COL4A1: variants seen among roughly 807,000 people sequenced by gnomAD.
The protein encoded by COL4A1 is collagen alpha-1(IV) chain.
COL4A1 carries 40 observed loss-of-function variants against 216.6 expected under a neutral mutation model. The ratio of observed to expected loss-of-function variants is 0.18; its 90% CI spans 0.14 to 0.24. The LOEUF (loss-of-function observed/expected upper bound fraction) is 0.24. Among genes scored for constraint, COL4A1 ranks in the 10% least tolerant of loss-of-function variants. COL4A1 has a pLI of 1.00. For missense variants in COL4A1, 1,628 were observed against 2,196.8 expected, an observed-to-expected ratio of 0.74 and a Z score of 5.18; for synonymous variants, 839 against 810.7, an observed-to-expected ratio of 1.03 and a Z score of -0.59.
chr13:110,155,191 G>A (rs1594529965), intron 50 of COL4A1, 92 bp downstream of exon 50: 1 of 895,274 alleles, frequency 1.1e-6, no homozygotes, highest in Non-Finnish European at 1.9e-6. Flanking sequence ...GAGATGCAGA[G>A]AACTCCAAGG....
In COL4A1 at chr13:110,150,399, G is replaced by A. The variant is rs777915061; in HGVS notation, c.4974C>T (p.His1658=). ...TCATACAGACTTGGCAGCGGCTGAC[G>A]TGCGTGCGCAGCTCCCCTGCCTTCA... The part of the protein sequence containing the change: ...STLKAGELRT[H]VSRCQVCMRR... Residue 1658 remains histidine (H), a synonymous_variant, in exon 52 of 52, where the codon CAC becomes CAT. Coordinates refer to ENST00000375820, the MANE Select transcript of COL4A1 (RefSeq NM_001845.6). 1.3e-5 allele frequency: 21 copies of A among 1,613,886 alleles called. No homozygotes were observed. Among genetic ancestry groups the A allele is most frequent in the Non-Finnish European group, 1.5e-5 (18 of 1,180,006 alleles).
chr13:110,192,179 C>A, intron 24 of COL4A1, 35 bp downstream of exon 24: 1 of 1,609,760 alleles, frequency 6.2e-7, no homozygotes. Context: ...GTGGCAACTT[C>A]TGATATGTAC....
At chr13:110,182,880 G>C in intron 28 of COL4A1, 113 bp downstream of exon 28, 1 of 984,344 alleles carries the variant, frequency 1.0e-6, no homozygotes, top group Admixed American at 2.2e-5. Flanking sequence ...TCTTCTGAAA[G>C]CCTCCCTGAA....
At chr13:110,269,893 C>T (rs1052430294) in intron 1 of COL4A1, among the ~76,000 whole-genome samples, 42 of 152,042 alleles carry the variant, frequency 2.8e-4, no homozygotes, top group Non-Finnish European at 8.8e-5. Context: ...GCCTCACATA[C>T]AGGGTGAAAT....
intron 29 of COL4A1, among the ~76,000 whole-genome samples, chr13:110,180,253 A>G (rs538137887): frequency 1.4e-4 from 22 of 152,252 alleles, no homozygotes; most frequent in South Asian, 6.2e-4. Context: ...TGAGTCTTGC[A>G]CTAAGTTTAA....
chr13:110,173,985 A>G lies in COL4A1; in HGVS notation c.3420T>C (p.Thr1140=). 1 of 1,614,112 alleles carries G rather than the reference A, an allele frequency of 6.2e-7. No homozygotes were observed. The highest frequency in any genetic ancestry group is 8.5e-7 in the Non-Finnish European group (1 of 1,180,024). The change falls in exon 40 of 52, where the codon ACT becomes ACC. Residue 1140 remains threonine, a synonymous_variant. Transcript: ENST00000375820. Reference sequence around the variant, plus strand: ...GGCCAGCTGGGCCTGTGGGGCCAGGAGTCCCAGGAAGACCTCAAAGAGAAA... The same window carrying G: ...GGCCAGCTGGGCCTGTGGGGCCAGGGGTCCCAGGAAGACCTCAAAGAGAAA... ...GVKGEAGLPG[T]PGPTGPAGQK...
chr13:110,209,431 G>GGA lies in COL4A1; in HGVS notation c.616-6_616-5dup. On this transcript the variant is annotated splice_region_variant and splice_polypyrimidine_tract_variant and intron_variant, in intron 10 of 51. Coordinates refer to ENST00000375820, the MANE Select transcript of COL4A1 (RefSeq NM_001845.6). ...GGCCGGGAGGGCCTGGGGGACCCTG[G>GGA]GAGAGACAGCATTTTAATTAAATAG... 1 of 1,599,410 alleles carries GGA rather than the reference G, an allele frequency of 6.3e-7. No individual in the cohort carries two copies. Among genetic ancestry groups the GGA allele is most frequent in the Non-Finnish European group, 8.5e-7 (1 of 1,173,070 alleles).
chr13:110,150,082 T>A lies in COL4A1; in HGVS notation c.*281A>T. ...TTTGGTTTTCTGATGGAGTTCTCAC[T>A]TCACACATCAGTGCATTGGATTGCA... On this transcript the variant is annotated 3_prime_UTR_variant, in exon 52 of 52. Transcript: ENST00000375820. The A allele has an allele frequency of 2.2e-6, 1 of 455,190 alleles. No homozygotes were observed. Among genetic ancestry groups the A allele is most frequent in the South Asian group, 2.1e-5 (1 of 48,156 alleles). 28.2% of individuals were successfully genotyped at this position (455,190 alleles called of 1,614,324 possible). A position where few individuals can be genotyped will look rare whatever the true frequency, so the allele number is the denominator to read the frequency against.
intron 1 of COL4A1, among the ~76,000 whole-genome samples, chr13:110,261,744 C>T (rs1026244481): frequency 5.9e-5 from 9 of 152,308 alleles, no homozygotes; most frequent in Admixed American, 1.3e-4. Context: ...AGGGAAGCCG[C>T]GCAGGGGCAG....
chr13:110,159,221 G>C (rs1347822872), intron 49 of COL4A1, among the ~76,000 whole-genome samples: 1 of 151,738 alleles, frequency 6.6e-6, no homozygotes, highest in African/African-American at 2.4e-5. Context: ...TCCAACACAT[G>C]CATTTTCGAT....
intron 2 of COL4A1, among the ~76,000 whole-genome samples, chr13:110,215,613 C>T (rs547164813): frequency 1.3e-4 from 19 of 151,570 alleles, no homozygotes; most frequent in Middle Eastern, 3.5e-3. Flanking sequence ...TCAAGAAAAC[C>T]TATTTACTTT....
chr13:110,166,095 T>C, intron 45 of COL4A1, 137 bp downstream of exon 45: 1 of 750,014 alleles, frequency 1.3e-6, no homozygotes, highest in Non-Finnish European at 2.5e-6. Context: ...CTGCAAAGAA[T>C]TCCCTATCAA....
chr13:110,280,779 G>A (rs1278802691), intron 1 of COL4A1, among the ~76,000 whole-genome samples: 1 of 152,132 alleles, frequency 6.6e-6, no homozygotes, highest in Non-Finnish European at 1.5e-5. Context: ...ATATAAATGT[G>A]AAGGAGAATT....
chr13:110,180,437 T>C (rs1566354379), intron 29 of COL4A1, among the ~76,000 whole-genome samples: 1 of 152,184 alleles, frequency 6.6e-6, no homozygotes, highest in Non-Finnish European at 1.5e-5. Context: ...CCCCCTGGGA[T>C]CCCAGAGGCA....
chr13:110,159,711 T>A (rs1876978298), intron 49 of COL4A1, among the ~76,000 whole-genome samples: 1 of 152,148 alleles, frequency 6.6e-6, no homozygotes, highest in Admixed American at 6.5e-5. Flanking sequence ...AAGTGTCCAG[T>A]GACAGAGGAA....
chr13:110,256,844 T>C (rs1055566177), intron 1 of COL4A1, among the ~76,000 whole-genome samples: 6 of 152,158 alleles, frequency 3.9e-5, no homozygotes, highest in African/African-American at 7.2e-5. Flanking sequence ...ATTCAACAAA[T>C]GCATTCTATT....
At chr13:110,228,194 G>A (rs1292243575) in intron 2 of COL4A1, among the ~76,000 whole-genome samples, 9 of 142,252 alleles carry the variant, frequency 6.3e-5, no homozygotes, top group African/African-American at 1.8e-4. Context: ...CTGACACCCC[G>A]CTATCAAGCA....
At chr13:110,155,435 G>A (rs1348414790) in intron 49 of COL4A1, 38 bp from the exon 50 acceptor site, 1 of 1,491,188 alleles carries the variant, frequency 6.7e-7, no homozygotes, top group Non-Finnish European at 9.3e-7. Context: ...CAGCCGGGGT[G>A]CAGGGCAGAG....
intron 1 of COL4A1, among the ~76,000 whole-genome samples, chr13:110,250,150 T>TA (rs1882007604): frequency 6.7e-6 from 1 of 149,066 alleles, no homozygotes. Context: ...TGTTTAGAGT[T>TA]ACACAATATT....
Sources: allele counts gnomAD v4.1 joint callset (sites outside exome capture counted in the v4.1 genomes callset), GRCh38; gene constraint gnomAD v4.1.1; transcripts MANE v1.5; gene names NCBI Gene and HGNC (gene_info 2026-07-23, HGNC 2026-07-21).